GALNT13: variants seen among roughly 807,000 people sequenced by gnomAD.
GALNT13 encodes polypeptide N-acetylgalactosaminyltransferase 13.
Under a neutral mutation model 64.2 loss-of-function variants are expected in GALNT13, and 28 were observed. The ratio of observed to expected loss-of-function variants is 0.44; its 90% CI spans 0.32 to 0.60. The LOEUF is 0.60. Among genes scored for constraint, GALNT13 ranks in the 20% least tolerant of loss-of-function variants. GALNT13 has a pLI of 0.05. For missense variants in GALNT13, 577 were observed against 669.8 expected, an observed-to-expected ratio of 0.86 and a Z score of 1.53; for synonymous variants, 214 against 224.6, an observed-to-expected ratio of 0.95 and a Z score of 0.42.
the GALNT13 span, among the ~76,000 whole-genome samples, chr2:153,611,387 G>A: frequency 2.6e-5 from 4 of 151,880 alleles, no homozygotes; most frequent in African/African-American, 9.7e-5. Flanking sequence ...CTTTTTCTTT[G>A]AGACAGAGTT....
chr2:154,299,867 T>C (rs1048371885), intron 8 of GALNT13, among the ~76,000 whole-genome samples: 1 of 152,044 alleles, frequency 6.6e-6, no homozygotes, highest in Non-Finnish European at 1.5e-5. Flanking sequence ...TTGTTGGACC[T>C]ATTTTTCTGC....
the GALNT13 span, among the ~76,000 whole-genome samples, chr2:153,572,494 G>A: frequency 1.3e-5 from 2 of 151,258 alleles, no homozygotes; most frequent in Non-Finnish European, 3.0e-5. Context: ...TTGGGATTTG[G>A]TTTGCTCTCT....
At chr2:153,910,306 T>C (rs1300105887) in intron 2 of GALNT13, among the ~76,000 whole-genome samples, 1 of 152,012 alleles carries the variant, frequency 6.6e-6, no homozygotes, top group Non-Finnish European at 1.5e-5. Context: ...TCATTTCTGA[T>C]TGTGTTTATC....
chr2:153,709,274 A>G, the GALNT13 span, among the ~76,000 whole-genome samples: 2 of 152,112 alleles, frequency 1.3e-5, no homozygotes, highest in Non-Finnish European at 2.9e-5. Flanking sequence ...TGAATAGCAA[A>G]AAACAACAAC....
At chr2:154,141,655 A>G (rs1389790665) in intron 4 of GALNT13, among the ~76,000 whole-genome samples, 2 of 152,150 alleles carry the variant, frequency 1.3e-5, no homozygotes, top group African/African-American at 4.8e-5. Context: ...GCCTTACTGC[A>G]TAAAAAGGTC....
intron 3 of GALNT13, among the ~76,000 whole-genome samples, chr2:154,050,341 T>C (rs1699525928): frequency 6.6e-6 from 1 of 152,176 alleles, no homozygotes. Flanking sequence ...GTGGAAATGG[T>C]ACTTTGTCTA....
chr2:153,481,773 A>G, the GALNT13 span, among the ~76,000 whole-genome samples: 1 of 152,212 alleles, frequency 6.6e-6, no homozygotes, highest in South Asian at 2.1e-4. Flanking sequence ...GCTGTAATTT[A>G]TAGTTTGAAT....
the GALNT13 span, among the ~76,000 whole-genome samples, chr2:153,205,177 GT>G: frequency 1.4e-3 from 194 of 135,860 alleles, no homozygotes; most frequent in Middle Eastern, 4.0e-3. Context: ...AAACTTTAGT[GT>G]TTTTTTTTTT....
chr2:154,449,327 C>T (rs1217059259), intron 12 of GALNT13, among the ~76,000 whole-genome samples: 1 of 149,864 alleles, frequency 6.7e-6, no homozygotes, highest in Non-Finnish European at 1.5e-5. Context: ...CAGTCCTAAT[C>T]TAAGCAAACT....
chr2:154,339,999 A>G (rs552845906), intron 9 of GALNT13, among the ~76,000 whole-genome samples: 1 of 152,150 alleles, frequency 6.6e-6, no homozygotes, highest in Admixed American at 6.6e-5. Context: ...AGGTCATATT[A>G]CACAAACTGA....
chr2:153,639,306 C>T, the GALNT13 span, among the ~76,000 whole-genome samples: 1 of 151,964 alleles, frequency 6.6e-6, no homozygotes, highest in Non-Finnish European at 1.5e-5. Context: ...AGGAAAGACA[C>T]TGGTGAGTGG....
intron 3 of GALNT13, among the ~76,000 whole-genome samples, chr2:154,077,434 A>T (rs888663563): frequency 1.7e-4 from 26 of 151,592 alleles, no homozygotes; most frequent in African/African-American, 4.8e-4. Flanking sequence ...TTCCCAAGAG[A>T]CATGCAAGAT....
chr2:154,051,280 T>G (rs891485889), intron 3 of GALNT13, among the ~76,000 whole-genome samples: 3 of 16,160 alleles, frequency 1.9e-4, no homozygotes, highest in Non-Finnish European at 5.2e-4. Flanking sequence ...TTACTCCTTC[T>G]TTTTTTTTTT....
At chr2:154,180,209 A>G (rs11883718) in intron 4 of GALNT13, among the ~76,000 whole-genome samples, 129,198 of 152,138 alleles carry the variant, frequency 0.85, 55,332 homozygotes, top group African/African-American at 0.96. Flanking sequence ...TGTGCTTTTT[A>G]TTCAGTGACT....
the GALNT13 span, among the ~76,000 whole-genome samples, chr2:153,146,249 A>G: frequency 6.6e-6 from 1 of 151,210 alleles, no homozygotes; most frequent in Admixed American, 6.6e-5. Flanking sequence ...CCTGGGACCC[A>G]AGCCTGTAGG....
intron 2 of GALNT13, among the ~76,000 whole-genome samples, chr2:153,931,254 G>C (rs1690497469): frequency 6.6e-6 from 1 of 150,722 alleles, no homozygotes; most frequent in Admixed American, 6.7e-5. Flanking sequence ...AGCAGAGACT[G>C]TAGGGTTTTC....
intron 9 of GALNT13, among the ~76,000 whole-genome samples, chr2:154,328,323 GATTT>G (rs1290900118): frequency 1.2e-4 from 19 of 152,012 alleles, no homozygotes. Context: ...ATTGCACTGA[GATTT>G]ATTTTTTGCT....
chr2:154,018,365 G>T (rs1221762441), intron 3 of GALNT13, among the ~76,000 whole-genome samples: 1 of 152,178 alleles, frequency 6.6e-6, no homozygotes, highest in Admixed American at 6.5e-5. Context: ...CACAGTAATT[G>T]TCCACACCTT....
chr2:153,271,009 A>G, the GALNT13 span, among the ~76,000 whole-genome samples: 3 of 152,290 alleles, frequency 2.0e-5, no homozygotes, highest in Admixed American at 2.0e-4. Flanking sequence ...AGAACCAATG[A>G]AAAAAACCAC....
Sources: allele counts gnomAD v4.1 joint callset (sites outside exome capture counted in the v4.1 genomes callset), GRCh38; gene constraint gnomAD v4.1.1; transcripts MANE v1.5; gene names NCBI Gene and HGNC (gene_info 2026-07-23, HGNC 2026-07-21).